Variants in CASD1 observed in about 807,000 individuals in gnomAD.
CASD1 encodes CAS1 domain sialic acid O acetyltransferase 1.
Under a neutral mutation model 100.0 loss-of-function variants are expected in CASD1, and 41 were observed. The ratio of observed to expected loss-of-function variants is 0.41; its 90% CI spans 0.32 to 0.53. The LOEUF (loss-of-function observed/expected upper bound fraction) is 0.53, where lower values mean the gene tolerates loss of function less well. Among genes scored for constraint, CASD1 ranks in the 20% least tolerant of loss-of-function variants. The pLI is 0.25. For missense variants in CASD1, 774 were observed against 948.7 expected (o/e 0.82, Z 2.42); for synonymous variants, 321 against 315.6 (o/e 1.02, Z -0.18).
chr7:94,514,024 C>T (rs1793848693), intron 1 of CASD1, among the ~76,000 whole-genome samples: 1 of 151,942 alleles, frequency 6.6e-6, no homozygotes, highest in South Asian at 2.1e-4. Flanking sequence ...GACAAATGGC[C>T]AATATCTGTA....
chr7:94,583,811 T>C, the CASD1 span, among the ~76,000 whole-genome samples: 1 of 152,192 alleles, frequency 6.6e-6, no homozygotes, highest in South Asian at 2.1e-4. Flanking sequence ...GAGAGTACAG[T>C]TGGGATAGCA....
chr7:94,545,449 A>G lies in CASD1; in HGVS notation c.1477-96A>G, dbSNP rs986313538. On this transcript the variant is annotated intron_variant, in intron 11 of 17. Coordinates refer to ENST00000297273, the MANE Select transcript of CASD1 (RefSeq NM_022900.5). ...AGTCATTATTGAGTCTTAGCCATTTATACTCTGTCAGAGAAAATCTGCCTT... is the reference window on the plus strand; with the variant it reads ...AGTCATTATTGAGTCTTAGCCATTTGTACTCTGTCAGAGAAAATCTGCCTT... The G allele has an allele frequency of 2.2e-5, 18 of 834,592 alleles. No homozygotes were observed. In the South Asian group the frequency reaches 3.2e-4, roughly 15 times the overall value. The allele number at this position is 834,592 out of a possible 1,614,324, so 51.7% of individuals were successfully genotyped here.
Position 94,555,504 on chromosome 7 carries a change from CA to C in CASD1, c.2141del (p.Gln714ArgfsTer16). On this transcript the variant is annotated frameshift_variant, in exon 18 of 18. Transcript: ENST00000297273. LOFTEE classifies it high-confidence loss of function. ...GKISLELFIC[Q>X]YHIWLAADTR... ...TTTTTTCTCCTAGCTATTTATTTGC[CA>C]GTATCACATATGGCTGGCAGCGGAC... 6.2e-7 allele frequency: 1 copy of C among 1,612,036 alleles called. No individual in the cohort carries two copies. Among genetic ancestry groups the C allele is most frequent in the Non-Finnish European group, 8.5e-7 (1 of 1,178,836 alleles).
At chr7:94,591,512 A>G in the CASD1 span, among the ~76,000 whole-genome samples, 3 of 152,220 alleles carry the variant, frequency 2.0e-5, no homozygotes, top group African/African-American at 7.2e-5. Context: ...TATAGAATGT[A>G]GGTGTTCTAA....
chr7:94,600,107 T>C, the CASD1 span: 12 of 208,540 alleles, frequency 5.8e-5, no homozygotes, highest in South Asian at 4.5e-4. Context: ...TTAATTGACA[T>C]AGATGTCCTG....
At chr7:94,623,343 T>C in the CASD1 span, 14 of 1,598,280 alleles carry the variant, frequency 8.8e-6, no homozygotes, top group Admixed American at 2.3e-4. Flanking sequence ...GACATTATAT[T>C]AATTATCAAA....
intron 16 of CASD1, among the ~76,000 whole-genome samples, chr7:94,552,780 T>C (rs1438376815): frequency 1.3e-5 from 2 of 152,000 alleles, no homozygotes; most frequent in East Asian, 1.9e-4. Context: ...CTACTAAAAA[T>C]ACAAAAATTA....
At chr7:94,571,913 C>T in the CASD1 span, among the ~76,000 whole-genome samples, 2 of 151,716 alleles carry the variant, frequency 1.3e-5, no homozygotes, top group Non-Finnish European at 2.9e-5. Context: ...GTATAAATGA[C>T]ATTTGCAAGA....
intron 11 of CASD1, among the ~76,000 whole-genome samples, chr7:94,545,214 G>A (rs1795617065): frequency 6.6e-6 from 1 of 152,076 alleles, no homozygotes; most frequent in Non-Finnish European, 1.5e-5. Flanking sequence ...GCTTTCTTAA[G>A]ATAATCTAAT....
chr7:94,588,155 G>A, the CASD1 span: 4 of 1,116,890 alleles, frequency 3.6e-6, no homozygotes, highest in African/African-American at 4.9e-5. Context: ...AAGAAAGCAA[G>A]TCTTAGGGAA....
At chr7:94,614,235 G>T in the CASD1 span, among the ~76,000 whole-genome samples, 1 of 151,112 alleles carries the variant, frequency 6.6e-6, no homozygotes, top group African/African-American at 2.4e-5. Context: ...ATTTTTTCAT[G>T]TGTTCATGTT....
the CASD1 span, chr7:94,617,224 G>A: frequency 6.6e-6 from 1 of 152,214 alleles, no homozygotes; most frequent in Admixed American, 6.5e-5. Flanking sequence ...GCTAGACATA[G>A]TTGGAAAGCA....
chr7:94,567,162 G>C, the CASD1 span, among the ~76,000 whole-genome samples: 4 of 149,862 alleles, frequency 2.7e-5, no homozygotes, highest in Non-Finnish European at 5.9e-5. Flanking sequence ...TTGGAACCAA[G>C]TCTGTGAGTT....
At chr7:94,603,452 G>A in the CASD1 span, 4 of 1,612,380 alleles carry the variant, frequency 2.5e-6, no homozygotes, top group South Asian at 1.1e-5. Flanking sequence ...TGACATAAAC[G>A]CTGTAAAAAT....
chr7:94,561,293 G>C (rs1418972438), downstream of CASD1, among the ~76,000 whole-genome samples: 1 of 152,084 alleles, frequency 6.6e-6, no homozygotes, highest in African/African-American at 2.4e-5. Context: ...TTATAGTTTA[G>C]AAACACCAAG....
At chr7:94,588,749 T>G in the CASD1 span, 2 of 1,613,278 alleles carry the variant, frequency 1.2e-6, no homozygotes, top group Non-Finnish European at 1.7e-6. Context: ...ATGATGAACA[T>G]TTTTGAGTAA....
In CASD1 at chr7:94,522,647, T is replaced by A. The variant is rs188589538; in HGVS notation, c.351+4324T>A. On this transcript the variant is annotated intron_variant, in intron 3 of 17. Coordinates refer to ENST00000297273, the MANE Select transcript of CASD1 (RefSeq NM_022900.5). ...TGTTTGAAGCACGCGTGGAACTTTT[T>A]AATTATTTTTATTTATTTTTTTTTT... 3.5e-3 allele frequency among the ~76,000 whole-genome samples: 536 copies of A among 152,104 alleles called. 3 individuals carry two copies. Among genetic ancestry groups the A allele is most frequent in the African/African-American group, 0.012 (484 of 41,520 alleles).
At chr7:94,628,713 G>A in the CASD1 span, 172 of 250,604 alleles carry the variant, frequency 6.9e-4, 1 homozygote, top group African/African-American at 3.5e-3. Context: ...GAAATATTCC[G>A]TTCATGAAAC....
intron 13 of CASD1, among the ~76,000 whole-genome samples, chr7:94,549,134 T>C (rs1320809544): frequency 2.0e-5 from 3 of 151,978 alleles, no homozygotes; most frequent in African/African-American, 7.2e-5. Context: ...GGCTGAAATA[T>C]TTTGTATTTT....
Sources: allele counts gnomAD v4.1 joint callset (sites outside exome capture counted in the v4.1 genomes callset), GRCh38; gene constraint gnomAD v4.1.1; transcripts MANE v1.5; gene names NCBI Gene and HGNC (gene_info 2026-07-23, HGNC 2026-07-21).